The following CCDC102B variants were observed in gnomAD, a reference collection of about 807,000 sequenced individuals.
CCDC102B encodes the protein coiled-coil domain-containing protein 102B.
In CCDC102B, 75 loss-of-function variants were observed where a neutral mutation model predicts 57.4. The ratio of observed to expected loss-of-function variants is 1.31; its 90% CI spans 1.08 to 1.58. The LOEUF (loss-of-function observed/expected upper bound fraction) is 1.58, where lower values mean the gene tolerates loss of function less well. Ranked by LOEUF, CCDC102B falls within the 40% of genes most tolerant of loss-of-function variation. The probability of loss-of-function intolerance (pLI) is 0.00; values close to 1 mark genes in which losing one functional copy is unlikely to be tolerated. For missense variants in CCDC102B, 636 were observed against 582.6 expected, an observed-to-expected ratio of 1.09 and a Z score of -0.94; for synonymous variants, 206 against 201.9, an observed-to-expected ratio of 1.02 and a Z score of -0.17.
chr18:68,778,142 G>T (rs1201299104), intron 2 of CCDC102B, among the ~76,000 whole-genome samples: 1 of 152,122 alleles, frequency 6.6e-6, no homozygotes, highest in Non-Finnish European at 1.5e-5. Flanking sequence ...CTAGAAGAGA[G>T]TCAACGTTTT....
chr18:68,905,760 T>G (rs9675893), intron 6 of CCDC102B, among the ~76,000 whole-genome samples: 1 of 146,054 alleles, frequency 6.8e-6, no homozygotes, highest in South Asian at 2.2e-4. Flanking sequence ...TGGAATCATG[T>G]GATATATAAT....
chr18:68,866,900 AC>A, intron 4 of CCDC102B: 1 of 610,908 alleles, frequency 1.6e-6, no homozygotes, highest in Non-Finnish European at 3.2e-6. Flanking sequence ...CATGTATCAC[AC>A]CTGGAGTGGG....
intron 6 of CCDC102B, among the ~76,000 whole-genome samples, chr18:68,943,172 T>G (rs201619625): frequency 4.0e-5 from 6 of 151,402 alleles, no homozygotes; most frequent in Non-Finnish European, 7.4e-5. Context: ...CAAAATGGAG[T>G]CTCTTATGTC....
intron 2 of CCDC102B, among the ~76,000 whole-genome samples, chr18:68,782,917 T>C (rs557710771): frequency 2.6e-4 from 40 of 152,330 alleles, no homozygotes; most frequent in African/African-American, 7.9e-4. Flanking sequence ...GCCATTCTTT[T>C]TTAGTGTAAT....
chr18:68,906,143 T>G (rs1178566007), intron 6 of CCDC102B, among the ~76,000 whole-genome samples: 1 of 152,180 alleles, frequency 6.6e-6, no homozygotes, highest in African/African-American at 2.4e-5. Context: ...TCATGCACAT[T>G]GTAGCATACA....
chr18:68,845,924 C>T (rs535772861), intron 3 of CCDC102B, among the ~76,000 whole-genome samples: 11 of 151,588 alleles, frequency 7.3e-5, no homozygotes, highest in Admixed American at 1.3e-4. Context: ...TGATTTTTTT[C>T]ATTCACATAA....
exon 1 of CCDC102B, chr18:68,715,240 C>G: frequency 7.4e-7 from 1 of 1,344,764 alleles, no homozygotes; most frequent in Non-Finnish European, 9.5e-7. Context: ...CTCTCGGTGC[C>G]CCCCTCCACG....
At chr18:68,956,871 G>C (rs958705432) in intron 6 of CCDC102B, among the ~76,000 whole-genome samples, 1 of 151,406 alleles carries the variant, frequency 6.6e-6, no homozygotes, top group Non-Finnish European at 1.5e-5. Flanking sequence ...CACTTTTGCT[G>C]ATGGTCCATG....
chr18:69,003,713 C>T (rs963529918), intron 6 of CCDC102B, among the ~76,000 whole-genome samples: 27 of 152,166 alleles, frequency 1.8e-4, no homozygotes, highest in Non-Finnish European at 3.4e-4. Context: ...ATATATATCA[C>T]TTAAAGGTAC....
chr18:68,761,104 A>G (rs1333736712), intron 2 of CCDC102B, among the ~76,000 whole-genome samples: 1 of 152,050 alleles, frequency 6.6e-6, no homozygotes, highest in East Asian at 1.9e-4. Context: ...GTGCCGTGGA[A>G]CACAGCTGAG....
intron 6 of CCDC102B, among the ~76,000 whole-genome samples, chr18:68,974,279 G>A (rs986392519): frequency 2.6e-5 from 4 of 152,058 alleles, no homozygotes; most frequent in African/African-American, 9.6e-5. Flanking sequence ...TGCCATGTGA[G>A]GACCCAGCGT....
chr18:68,734,524 C>T (rs1018136259), intron 2 of CCDC102B, among the ~76,000 whole-genome samples: 12 of 152,156 alleles, frequency 7.9e-5, no homozygotes, highest in Non-Finnish European at 1.6e-4. Flanking sequence ...ATTTAAACCA[C>T]AAATACCAAA....
chr18:68,847,036 A>G (rs749696648), intron 4 of CCDC102B, among the ~76,000 whole-genome samples: 5 of 151,818 alleles, frequency 3.3e-5, no homozygotes, highest in Non-Finnish European at 7.4e-5. Flanking sequence ...GTAATATTTT[A>G]CATGTTATGT....
At chr18:69,026,386 G>A (rs1454481517) in intron 7 of CCDC102B, among the ~76,000 whole-genome samples, 1 of 150,078 alleles carries the variant, frequency 6.7e-6, no homozygotes, top group African/African-American at 2.5e-5. Context: ...AGAATCGCTT[G>A]AAGCCTGGAA....
intron 6 of CCDC102B, among the ~76,000 whole-genome samples, chr18:68,920,529 A>G (rs2041240851): frequency 6.6e-6 from 1 of 152,154 alleles, no homozygotes; most frequent in Admixed American, 6.5e-5. Context: ...TTATAGCTCC[A>G]TATGGCTGGG....
At chr18:68,921,773 T>A (rs1006222552) in intron 6 of CCDC102B, among the ~76,000 whole-genome samples, 1 of 152,142 alleles carries the variant, frequency 6.6e-6, no homozygotes, top group African/African-American at 2.4e-5. Context: ...GCTTGAATGA[T>A]CAAAGAAGCA....
chr18:68,955,943 A>G (rs2145208713), intron 6 of CCDC102B, among the ~76,000 whole-genome samples: 1 of 152,142 alleles, frequency 6.6e-6, no homozygotes, highest in South Asian at 2.1e-4. Flanking sequence ...TAGTTATTTT[A>G]AAATGTGCAA....
rs1406187044 is a variant in CCDC102B at position 68,733,516 on chromosome 18, C to T, written c.-67+16922C>T. ...TATATATATATATATATTTTTTTAA[C>T]TTAAGCATGCTTTAAGAAGTTAGAC... is the stretch of plus-strand genomic sequence containing the variant. On this transcript the variant is annotated intron_variant, in intron 2 of 3. Transcript: ENST00000578970. 1.1e-3 allele frequency among the ~76,000 whole-genome samples: 93 copies of T among 87,764 alleles called. 2 individuals carry two copies. The highest frequency in any genetic ancestry group is 1.2e-3 in the South Asian group (4 of 3,208). The allele number at this position is 87,764 out of a possible 152,430, so 57.6% of individuals were successfully genotyped here. A position where few individuals can be genotyped will look rare whatever the true frequency, so the allele number is the denominator to read the frequency against.
At chr18:68,802,360 T>A (rs1284523129) in intron 1 of CCDC102B, among the ~76,000 whole-genome samples, 1 of 152,218 alleles carries the variant, frequency 6.6e-6, no homozygotes, top group African/African-American at 2.4e-5. Flanking sequence ...AATTTATGAT[T>A]GCATGGATTA....
Sources: allele counts gnomAD v4.1 joint callset (sites outside exome capture counted in the v4.1 genomes callset), GRCh38; gene constraint gnomAD v4.1.1; transcripts MANE v1.5; gene names NCBI Gene and HGNC (gene_info 2026-07-23, HGNC 2026-07-21).